LINGO2: variants seen among roughly 807,000 people sequenced by gnomAD.
LINGO2 encodes leucine rich repeat and Ig domain containing 2, also known as leucine-rich repeat and immunoglobulin-like domain-containing nogo receptor-interacting protein 2.
In LINGO2, 14 loss-of-function variants were observed where a neutral mutation model predicts 30.6. That is an observed-to-expected ratio of 0.46 (90% CI 0.30 to 0.72). The LOEUF (loss-of-function observed/expected upper bound fraction) is 0.72. Ranked by LOEUF, LINGO2 falls within the 30% of genes least tolerant of loss-of-function variation. The pLI, the probability that LINGO2 is intolerant of heterozygous loss-of-function variation, is 0.07. For missense variants in LINGO2, 729 were observed against 751.7 expected, an observed-to-expected ratio of 0.97 and a Z score of 0.35; for synonymous variants, 317 against 288.5, an observed-to-expected ratio of 1.10 and a Z score of -1.00.
At chr9:28,350,066 T>A (rs868005302) in intron 3 of LINGO2, among the ~76,000 whole-genome samples, 4 of 151,310 alleles carry the variant, frequency 2.6e-5, no homozygotes, top group Admixed American at 6.6e-5. Flanking sequence ...TAAAGACCAT[T>A]GAGACTAGGA....
intron 1 of LINGO2, among the ~76,000 whole-genome samples, chr9:28,573,611 AG>A: frequency 6.6e-6 from 1 of 152,276 alleles, no homozygotes; most frequent in Admixed American, 6.5e-5. Context: ...TATACTTTCA[AG>A]TCTTTTTGTC....
chr9:28,892,474 T>A, the LINGO2 span, among the ~76,000 whole-genome samples: 1 of 152,024 alleles, frequency 6.6e-6, no homozygotes, highest in African/African-American at 2.4e-5. Flanking sequence ...GACAAAAAGA[T>A]TTCTGACCAG....
intron 1 of LINGO2, among the ~76,000 whole-genome samples, chr9:28,490,121 T>C (rs535211290): frequency 6.6e-6 from 1 of 152,094 alleles, no homozygotes; most frequent in Non-Finnish European, 1.5e-5. Context: ...TGGTGTGAGC[T>C]GCTTTCGAAT....
At chr9:28,700,522 A>G in the LINGO2 span, among the ~76,000 whole-genome samples, 8 of 152,110 alleles carry the variant, frequency 5.3e-5, no homozygotes, top group African/African-American at 1.9e-4. Flanking sequence ...CAGTTTAATT[A>G]TCCATCCATA....
chr9:28,070,392 A>G (rs1331457054), intron 4 of LINGO2, among the ~76,000 whole-genome samples: 1 of 152,060 alleles, frequency 6.6e-6, no homozygotes, highest in Middle Eastern at 3.2e-3. Flanking sequence ...TAGCCACATG[A>G]CCTATACCAA....
At chr9:28,409,218 T>C (rs1822645487) in intron 2 of LINGO2, among the ~76,000 whole-genome samples, 1 of 152,110 alleles carries the variant, frequency 6.6e-6, no homozygotes, top group African/African-American at 2.4e-5. Flanking sequence ...GGATGGTAAT[T>C]ATTTTCTGTG....
At chr9:28,963,786 G>C in the LINGO2 span, among the ~76,000 whole-genome samples, 1 of 151,742 alleles carries the variant, frequency 6.6e-6, no homozygotes, top group South Asian at 2.1e-4. Context: ...AGTGTGTGTA[G>C]GAAGAGGGGA....
At chr9:28,392,930 T>A (rs546221949) in intron 2 of LINGO2, among the ~76,000 whole-genome samples, 28 of 152,320 alleles carry the variant, frequency 1.8e-4, no homozygotes, top group African/African-American at 6.5e-4. Flanking sequence ...GTAGGAAATG[T>A]AACACTATCC....
At chr9:28,279,661 A>G (rs1208539819) in intron 4 of LINGO2, among the ~76,000 whole-genome samples, 1 of 152,176 alleles carries the variant, frequency 6.6e-6, no homozygotes, top group Non-Finnish European at 1.5e-5. Context: ...TTTTGTATGC[A>G]CTAGGAAGCC....
intron 2 of LINGO2, among the ~76,000 whole-genome samples, chr9:28,381,449 G>A (rs77454340): frequency 6.6e-6 from 1 of 152,066 alleles, no homozygotes; most frequent in Non-Finnish European, 1.5e-5. Flanking sequence ...AATCACAGCC[G>A]CTCATGGAAT....
upstream of LINGO2, among the ~76,000 whole-genome samples, chr9:28,673,526 T>A (rs1026376672): frequency 6.6e-6 from 1 of 151,094 alleles, no homozygotes; most frequent in African/African-American, 2.4e-5. Flanking sequence ...CATTAGTGAG[T>A]TGTGGTGGCA....
At chr9:29,043,549 T>A in the LINGO2 span, among the ~76,000 whole-genome samples, 1 of 152,150 alleles carries the variant, frequency 6.6e-6, no homozygotes, top group Admixed American at 6.5e-5. Flanking sequence ...GTGTTGAGAT[T>A]TCTCATTTAT....
the LINGO2 span, among the ~76,000 whole-genome samples, chr9:29,122,414 G>A: frequency 1.3e-5 from 2 of 151,984 alleles, no homozygotes; most frequent in Non-Finnish European, 2.9e-5. Context: ...TTAAGGCTTA[G>A]GCTCCAATAA....
the LINGO2 span, among the ~76,000 whole-genome samples, chr9:28,859,885 A>T: frequency 6.6e-6 from 1 of 152,038 alleles, no homozygotes; most frequent in East Asian, 1.9e-4. Context: ...TGTAATAGTA[A>T]ATATTTTAAA....
intron 4 of LINGO2, among the ~76,000 whole-genome samples, chr9:28,125,681 G>A (rs917931668): frequency 6.6e-6 from 1 of 152,116 alleles, no homozygotes; most frequent in African/African-American, 2.4e-5. Context: ...GAACTCAGGG[G>A]AAATAAGAAG....
intron 2 of LINGO2, among the ~76,000 whole-genome samples, chr9:28,424,659 A>G (rs529063001): frequency 1.3e-5 from 2 of 152,296 alleles, no homozygotes; most frequent in South Asian, 2.1e-4. Flanking sequence ...AAGTACATCA[A>G]TGTAATACCA....
chr9:28,057,680 C>T (rs1249392415), intron 4 of LINGO2, among the ~76,000 whole-genome samples: 3 of 151,364 alleles, frequency 2.0e-5, no homozygotes, highest in Admixed American at 6.6e-5. Context: ...TCTTCATCCA[C>T]TTTACAAGGT....
the LINGO2 span, among the ~76,000 whole-genome samples, chr9:28,958,179 C>T: frequency 2.0e-5 from 3 of 152,092 alleles, no homozygotes; most frequent in Non-Finnish European, 4.4e-5. Context: ...GAATATTCTG[C>T]ATTGTTAACT....
intron 2 of LINGO2, among the ~76,000 whole-genome samples, chr9:28,379,285 G>T (rs1164554103): frequency 6.6e-6 from 1 of 152,018 alleles, no homozygotes; most frequent in Admixed American, 6.6e-5. Flanking sequence ...CTGAAAGCAG[G>T]TGTGTTTCAT....
Sources: gnomAD v4.1 joint callset for allele counts (sites outside exome capture counted in the v4.1 genomes callset) on GRCh38, gnomAD v4.1.1 for gene constraint, MANE v1.5 for transcripts, NCBI Gene and HGNC (gene_info 2026-07-23, HGNC 2026-07-21) for gene names.